The following ERGIC1 variants were observed in gnomAD, a reference collection of about 807,000 sequenced individuals.
ERGIC1 encodes the protein endoplasmic reticulum-Golgi intermediate compartment protein 1.
ERGIC1 carries 19 observed loss-of-function variants against 38.3 expected under a neutral mutation model. The ratio of observed to expected loss-of-function variants is 0.50; its 90% CI spans 0.35 to 0.73. The LOEUF (loss-of-function observed/expected upper bound fraction) is 0.73. Ranked by LOEUF, ERGIC1 falls within the 30% of genes least tolerant of loss-of-function variation. The pLI is 0.01. For synonymous variants in ERGIC1, 124 were observed against 157.6 expected, an observed-to-expected ratio of 0.79 and a Z score of 1.60; for missense variants, 294 against 389.2, an observed-to-expected ratio of 0.76 and a Z score of 2.06.
At chr5:172,841,000 A>G (rs751988) in intron 1 of ERGIC1, among the ~76,000 whole-genome samples, 76,888 of 152,046 alleles carry the variant, frequency 0.51, 20,058 homozygotes, top group East Asian at 0.71. Flanking sequence ...GTTCAGCCCA[A>G]CATTTGCCAC....
intron 3 of ERGIC1, among the ~76,000 whole-genome samples, chr5:172,901,012 C>T (rs1278112536): frequency 6.6e-6 from 1 of 152,226 alleles, no homozygotes; most frequent in Non-Finnish European, 1.5e-5. Flanking sequence ...AAGCTTGTGG[C>T]CCCCAGGAAG....
In ERGIC1 at chr5:172,926,641, G is replaced by C. The variant is rs1763657723; in HGVS notation, c.541+72G>C. ...ACAGCAGGCAGGGAGGGGGAGGGCA[G>C]AGAGGTGGGGGTGCCTGTCCAGCAC... On this transcript the variant is annotated intron_variant, in intron 7 of 9. Transcript: ENST00000393784. This position sits in a 1 kb window ranked among gnomAD's most constrained non-coding sequence, Gnocchi z 5.2. 1 of 1,557,426 alleles carries C rather than the reference G, an allele frequency of 6.4e-7. No homozygotes were observed. Among genetic ancestry groups the C allele is most frequent in the African/African-American group, 1.4e-5 (1 of 73,950 alleles).
In ERGIC1 at chr5:172,950,853, T is replaced by A. The variant is rs763320228; in HGVS notation, c.*37T>A. 6.4e-7 allele frequency: 1 copy of A among 1,564,886 alleles called. No homozygotes were observed. Among genetic ancestry groups the A allele is most frequent in the Non-Finnish European group, 8.7e-7 (1 of 1,144,946 alleles). ...GCCTAATGGCCGAGGACCCTGGGCA[T>A]CGCCAGCCTTGCCTCCAGTGCCCTG... On this transcript the variant is annotated 3_prime_UTR_variant, in exon 10 of 10. Transcript: ENST00000393784.
chr5:172,903,968 T>TACACACACACAC lies in ERGIC1; in HGVS notation c.156-5689_156-5678dup, dbSNP rs70984919. On this transcript the variant is annotated intron_variant, in intron 3 of 9. Coordinates refer to ENST00000393784, the MANE Select transcript of ERGIC1 (RefSeq NM_001031711.3). Reference sequence around the variant, plus strand: ...TCAAGAGAGAGATGAGTCTCACACATACACACACACACACACACACATTGA... The same window carrying TACACACACACAC: ...TCAAGAGAGAGATGAGTCTCACACATACACACACACACACACACACACACACACACACATTGA... 1.9e-3 allele frequency among the ~76,000 whole-genome samples: 290 copies of TACACACACACAC among 150,394 alleles called. 1 individual carries two copies. The highest frequency in any genetic ancestry group is 3.4e-3 in the Admixed American group (51 of 15,114).
Position 172,893,905 on chromosome 5 carries a change from A to ATATGTGTGTG in ERGIC1, c.83-3096_83-3095insATGTGTGTGT, listed in dbSNP as rs1173039695. ...TATATATATATATATATATATATATATGTGTGTGTGTGTGTGTGTGTGTGT... is the reference window on the plus strand; with the variant it reads ...TATATATATATATATATATATATATATATGTGTGTGTGTGTGTGTGTGTGTGTGTGTGTGT... On this transcript the variant is annotated intron_variant, in intron 2 of 9. Transcript: ENST00000393784. Among the ~76,000 whole-genome samples, 18 of 15,528 alleles carry ATATGTGTGTG rather than the reference A, an allele frequency of 1.2e-3. 1 individual carries two copies. Among genetic ancestry groups the ATATGTGTGTG allele is most frequent in the Non-Finnish European group, 2.3e-3 (11 of 4,710 alleles). The allele number at this position is 15,528 out of a possible 152,430, so 10.2% of individuals were successfully genotyped here.
intron 1 of ERGIC1, among the ~76,000 whole-genome samples, chr5:172,877,295 G>A (rs1211316458): frequency 6.6e-6 from 1 of 151,848 alleles, no homozygotes; most frequent in Non-Finnish European, 1.5e-5. Context: ...CCACTAACAT[G>A]TCTATATTTC....
At chr5:172,894,132 C>T (rs1157873218) in intron 2 of ERGIC1, among the ~76,000 whole-genome samples, 15 of 10,478 alleles carry the variant, frequency 1.4e-3, no homozygotes, top group East Asian at 8.8e-3. Flanking sequence ...GCTGATGATA[C>T]TTTTTTTTTT....
At position 172,911,808 on chromosome 5, in the gene ERGIC1, C is replaced by T. The variant is rs147847194; in HGVS notation, c.250+2047C>T. On this transcript the variant is annotated intron_variant, in intron 4 of 9. Transcript: ENST00000393784. ...ATTATACAACTAATAGACTATATTT[C>T]AATCTTAAGACATACATTCAAAAAT... Among the ~76,000 whole-genome samples, 1,397 of 152,180 alleles carry T rather than the reference C, an allele frequency of 9.2e-3. 19 individuals carry two copies. Among genetic ancestry groups the T allele is most frequent in the African/African-American group, 0.032 (1,316 of 41,498 alleles).
At position 172,952,397 on chromosome 5, in the gene ERGIC1, T is replaced by C. The variant is rs1190300963; in HGVS notation, c.*1581T>C. 3 of 149,374 alleles carry C rather than the reference T, an allele frequency of 2.0e-5. No individual in the cohort carries two copies. The highest frequency in any genetic ancestry group is 4.5e-5 in the Non-Finnish European group (3 of 67,384). The allele number at this position is 149,374 out of a possible 1,614,324, so 9.3% of individuals were successfully genotyped here. ...GATTTTTTTACATTCTGTTCCCCAG[T>C]TACAGGAAGGAGTCCCTTTGGTGTG... On this transcript the variant is annotated 3_prime_UTR_variant, in exon 10 of 10. Coordinates refer to ENST00000393784, the MANE Select transcript of ERGIC1 (RefSeq NM_001031711.3).
chr5:172,925,544 G>A (rs1259518872), intron 6 of ERGIC1, among the ~76,000 whole-genome samples: 3 of 152,194 alleles, frequency 2.0e-5, no homozygotes, highest in African/African-American at 7.2e-5. Context: ...CCACCCCGCT[G>A]CTGCCCACTG....
At chr5:172,925,984 A>T (rs761651812) in intron 6 of ERGIC1, among the ~76,000 whole-genome samples, 1 of 152,200 alleles carries the variant, frequency 6.6e-6, no homozygotes, top group African/African-American at 2.4e-5. Context: ...TGCAGCAGAC[A>T]TGATGGGGGG....
chr5:172,927,581 T>C (rs1419083440), intron 7 of ERGIC1, among the ~76,000 whole-genome samples: 1 of 71,304 alleles, frequency 1.4e-5, no homozygotes, highest in Admixed American at 1.3e-4. Flanking sequence ...CTGCTGTGCT[T>C]TTTTTTTTTT....
At chr5:172,893,920 T>TATATATAC in intron 2 of ERGIC1, among the ~76,000 whole-genome samples, 1 of 85,572 alleles carries the variant, frequency 1.2e-5, no homozygotes, top group African/African-American at 4.4e-5. Context: ...TGTGTGTGTG[T>TATATATAC]GTGTGTGTGT....
intron 1 of ERGIC1, among the ~76,000 whole-genome samples, chr5:172,880,452 A>G (rs1762252706): frequency 1.3e-5 from 2 of 151,418 alleles, no homozygotes; most frequent in Admixed American, 1.3e-4. Context: ...CAGCCTCCCA[A>G]GTAGCTGGGA....
At chr5:172,912,091 T>C (rs74554883) in intron 4 of ERGIC1, among the ~76,000 whole-genome samples, 1 of 151,474 alleles carries the variant, frequency 6.6e-6, no homozygotes, top group Non-Finnish European at 1.5e-5. Context: ...TTTTTTTTTT[T>C]CTAGCTAGTG....
chr5:172,879,989 T>A (rs1367229325), intron 1 of ERGIC1, among the ~76,000 whole-genome samples: 4 of 152,176 alleles, frequency 2.6e-5, no homozygotes, highest in Non-Finnish European at 4.4e-5. Flanking sequence ...TAACAAGGAT[T>A]GATTGGAAAG....
intron 7 of ERGIC1, among the ~76,000 whole-genome samples, chr5:172,929,187 A>G (rs1211506844): frequency 1.3e-5 from 2 of 151,692 alleles, no homozygotes; most frequent in Non-Finnish European, 2.9e-5. Flanking sequence ...AAGTATACAC[A>G]CACATACATA....
chr5:172,939,379 C>T (rs1039751078), intron 9 of ERGIC1, among the ~76,000 whole-genome samples: 1 of 152,156 alleles, frequency 6.6e-6, no homozygotes, highest in African/African-American at 2.4e-5. Flanking sequence ...GGAGGAAGGG[C>T]CCGGGAAAGG....
intron 3 of ERGIC1, among the ~76,000 whole-genome samples, chr5:172,899,865 G>A (rs1318709461): frequency 6.6e-6 from 1 of 152,186 alleles, no homozygotes; most frequent in East Asian, 1.9e-4. Flanking sequence ...AGATTATTTA[G>A]CTGAAAGCTA....
Sources: allele counts gnomAD v4.1 joint callset (sites outside exome capture counted in the v4.1 genomes callset), GRCh38; gene constraint gnomAD v4.1.1; non-coding constraint Gnocchi (gnomAD v3.1); transcripts MANE v1.5; gene names NCBI Gene and HGNC (gene_info 2026-07-23, HGNC 2026-07-21).